The following ITPR2 variants were observed in gnomAD, a reference collection of about 807,000 sequenced individuals.
The protein encoded by ITPR2 is inositol 1,4,5-trisphosphate receptor type 2, also known as inositol 1,4,5-trisphosphate-gated calcium channel ITPR2.
Under a neutral mutation model 317.1 loss-of-function variants are expected in ITPR2, and 207 were observed. The ratio of observed to expected loss-of-function variants is 0.65; its 90% CI spans 0.58 to 0.73. The LOEUF (loss-of-function observed/expected upper bound fraction) is 0.73. ITPR2 is among the 30% of genes least tolerant of loss of function. The pLI is 0.00. For synonymous variants in ITPR2, 1,156 were observed against 1,149.1 expected (o/e 1.01, Z -0.12); for missense variants, 2,613 against 3,284.0 (o/e 0.80, Z 4.99).
At chr12:26,743,443 G>C (rs1483754027) in intron 2 of ITPR2, among the ~76,000 whole-genome samples, 1 of 152,016 alleles carries the variant, frequency 6.6e-6, no homozygotes, top group Non-Finnish European at 1.5e-5. Context: ...GTGTTTTGTT[G>C]AATGTATTTC....
At chr12:26,447,026 T>C (rs993350235) in intron 45 of ITPR2, among the ~76,000 whole-genome samples, 1 of 150,190 alleles carries the variant, frequency 6.7e-6, no homozygotes, top group Non-Finnish European at 1.5e-5. Flanking sequence ...ATTTCTCATA[T>C]TGTATCTGAG....
At chr12:26,573,413 T>C (rs1421965680) in intron 34 of ITPR2, among the ~76,000 whole-genome samples, 1 of 151,938 alleles carries the variant, frequency 6.6e-6, no homozygotes, top group Non-Finnish European at 1.5e-5. Context: ...CAGGCTCCAG[T>C]GGTGAAGAAA....
intron 37 of ITPR2, among the ~76,000 whole-genome samples, chr12:26,502,750 A>C (rs1943099164): frequency 6.6e-6 from 1 of 152,214 alleles, no homozygotes; most frequent in Non-Finnish European, 1.5e-5. Context: ...AGATGGAATG[A>C]GATTTAAATA....
chr12:26,756,740 C>T (rs544981347), intron 2 of ITPR2, among the ~76,000 whole-genome samples: 1 of 152,234 alleles, frequency 6.6e-6, no homozygotes, highest in Non-Finnish European at 1.5e-5. Context: ...ATATTTATCC[C>T]TCTGCAACCC....
Position 26,556,296 on chromosome 12 carries a change from C to G in ITPR2, c.4901G>C (p.Ser1634Thr). 6.2e-7 allele frequency: 1 copy of G among 1,614,098 alleles called. No homozygotes were observed. Among genetic ancestry groups the G allele is most frequent in the Non-Finnish European group, 8.5e-7 (1 of 1,179,974 alleles). Residue 1634 changes from serine to threonine, a missense_variant, in exon 36 of 57, where the codon AGT becomes ACT. This residue lies in a region of ITPR2 where 926 missense variants were observed against 1,072.8 expected (regional missense o/e 0.86). Coordinates refer to ENST00000381340, the MANE Select transcript of ITPR2 (RefSeq NM_002223.4). ...TCCCTCAGGGAACAGCAGTTCTGGA[C>G]TGTACAATACATCAACCAACACTGA... is the stretch of plus-strand genomic sequence containing the variant. ...EFSVLVDVLY[S>T]PELLFPEGSD...
chr12:26,415,559 C>A, intron 50 of ITPR2, 61 bp from the exon 51 acceptor site: 2 of 1,174,386 alleles, frequency 1.7e-6, no homozygotes, highest in Non-Finnish European at 1.2e-6. Flanking sequence ...GGTGAACAAA[C>A]AAAAATATAA....
At chr12:26,373,310 C>T (rs901049196) in intron 55 of ITPR2, among the ~76,000 whole-genome samples, 13 of 152,228 alleles carry the variant, frequency 8.5e-5, no homozygotes, top group Admixed American at 7.2e-4. Flanking sequence ...GAAGAATCCA[C>T]ATCTGTGGCA....
At chr12:26,571,635 G>A (rs1011899455) in intron 34 of ITPR2, among the ~76,000 whole-genome samples, 2 of 152,230 alleles carry the variant, frequency 1.3e-5, no homozygotes, top group South Asian at 2.1e-4. Context: ...CCGCTAGCAC[G>A]TCAGTGCAGA....
intron 37 of ITPR2, among the ~76,000 whole-genome samples, chr12:26,518,443 A>C (rs1462180373): frequency 6.6e-6 from 1 of 152,180 alleles, no homozygotes; most frequent in African/African-American, 2.4e-5. Context: ...AGGGTGACAA[A>C]ATAATCTATA....
intron 1 of ITPR2, among the ~76,000 whole-genome samples, chr12:26,792,495 A>G (rs1181605525): frequency 6.6e-6 from 1 of 151,952 alleles, no homozygotes; most frequent in Admixed American, 6.6e-5. Flanking sequence ...ATTTACCATC[A>G]TTCTGACAGC....
chr12:26,337,550 C>A lies in ITPR2; in HGVS notation c.*1847G>T, dbSNP rs1591943488. ...TTTTGGGAAAGCCATTTTAAACAAACAAATATGTGGTATCATTTAAAGTTT... is the reference window on the plus strand; with the variant it reads ...TTTTGGGAAAGCCATTTTAAACAAAAAAATATGTGGTATCATTTAAAGTTT... On this transcript the variant is annotated 3_prime_UTR_variant, in exon 57 of 57. Transcript: ENST00000381340. 6.6e-6 allele frequency: 1 copy of A among 152,170 alleles called. No homozygotes were observed. The highest frequency in any genetic ancestry group is 1.9e-4 in the East Asian group (1 of 5,200). The allele number at this position is 152,170 out of a possible 1,614,324, so 9.4% of individuals were successfully genotyped here.
intron 2 of ITPR2, among the ~76,000 whole-genome samples, chr12:26,768,474 G>T (rs1949771768): frequency 9.0e-6 from 1 of 111,648 alleles, no homozygotes; most frequent in African/African-American, 3.2e-5. Context: ...TAAAAATTTT[G>T]TGCAACTCAA....
chr12:26,584,954 T>G (rs1565620711), intron 32 of ITPR2, among the ~76,000 whole-genome samples: 1 of 152,240 alleles, frequency 6.6e-6, no homozygotes, highest in Non-Finnish European at 1.5e-5. Flanking sequence ...CCAAAACTTT[T>G]GCAAGCATTT....
At chr12:26,559,877 G>A (rs61920321) in intron 35 of ITPR2, among the ~76,000 whole-genome samples, 23,063 of 152,110 alleles carry the variant, frequency 0.15, 2,405 homozygotes, top group Non-Finnish European at 0.23. Context: ...CTCTGGCAGA[G>A]AGGAACTTCA....
intron 8 of ITPR2, among the ~76,000 whole-genome samples, chr12:26,712,651 AC>A (rs1948668974): frequency 1.4e-5 from 1 of 71,078 alleles, no homozygotes; most frequent in Non-Finnish European, 5.9e-5. Flanking sequence ...ACACACACAC[AC>A]ACACACACAC....
At chr12:26,457,476 G>A (rs889754070) in intron 45 of ITPR2, among the ~76,000 whole-genome samples, 6 of 152,164 alleles carry the variant, frequency 3.9e-5, no homozygotes, top group Admixed American at 1.3e-4. Context: ...TGAGCAGAGA[G>A]GTGACATAAT....
At position 26,595,480 on chromosome 12, in the gene ITPR2, C is replaced by A. The variant is rs1945820860; in HGVS notation, c.4365G>T (p.Leu1455Phe). ...TCTAACTTACCCTTGCCATATCCAC[C>A]AAGAAGTTCTCAAATAATTTCCAAA... The part of the protein sequence containing the change: ...NHIWKLFENF[L>F]VDMARVCNTT... Residue 1455 changes from leucine (L) to phenylalanine (F), a missense_variant, in exon 32 of 57, where the codon TTG becomes TTT. Around this residue, in one of 9 missense-constraint regions of ITPR2, gnomAD observed 926 missense variants for 1,072.8 expected, o/e 0.86. Transcript: ENST00000381340. 1.2e-6 allele frequency: 2 copies of A among 1,605,916 alleles called. No homozygotes were observed. The highest frequency in any genetic ancestry group is 1.7e-6 in the Non-Finnish European group (2 of 1,177,792).
intron 16 of ITPR2, 23 bp from the exon 17 acceptor site, chr12:26,658,153 T>C (rs1162751611): frequency 6.5e-7 from 1 of 1,526,772 alleles, no homozygotes; most frequent in Non-Finnish European, 8.8e-7. Context: ...AAAAATTAAA[T>C]GGAATATGAA....
intron 2 of ITPR2, among the ~76,000 whole-genome samples, chr12:26,760,159 T>G (rs1362930573): frequency 6.6e-6 from 1 of 152,224 alleles, no homozygotes; most frequent in African/African-American, 2.4e-5. Flanking sequence ...TGCAGCAAAT[T>G]CAAGTTTTGC....
Sources: allele counts gnomAD v4.1 joint callset (sites outside exome capture counted in the v4.1 genomes callset), GRCh38; gene constraint gnomAD v4.1.1; regional missense constraint gnomAD v4.1.1; transcripts MANE v1.5; gene names NCBI Gene and HGNC (gene_info 2026-07-23, HGNC 2026-07-21).